ADAMTS17: variants seen among roughly 807,000 people sequenced by gnomAD.
ADAMTS17 encodes the protein A disintegrin and metalloproteinase with thrombospondin motifs 17.
Under a neutral mutation model 141.5 loss-of-function variants are expected in ADAMTS17, and 113 were observed. That is an observed-to-expected ratio of 0.80 (90% CI 0.69 to 0.93). The LOEUF (loss-of-function observed/expected upper bound fraction) is 0.93. Ranked by LOEUF, ADAMTS17 falls within the 40% of genes least tolerant of loss-of-function variation. The probability of loss-of-function intolerance (pLI) is 0.00; values close to 1 mark genes in which losing one functional copy is unlikely to be tolerated. For missense variants in ADAMTS17, 1,659 were observed against 1,517.9 expected (o/e 1.09, Z -1.54); for synonymous variants, 768 against 630.6 (o/e 1.22, Z -3.27).
chr15:100,163,125 A>G (rs2039806432), intron 8 of ADAMTS17, among the ~76,000 whole-genome samples: 1 of 151,706 alleles, frequency 6.6e-6, no homozygotes, highest in Non-Finnish European at 1.5e-5. Flanking sequence ...GGACAGGTAT[A>G]TACCTACACT....
At position 100,282,658 on chromosome 15, in the gene ADAMTS17, A is replaced by G. The variant is rs116547047; in HGVS notation, c.617-1257T>C. Among the ~76,000 whole-genome samples, 640 of 152,344 alleles carry G rather than the reference A, an allele frequency of 4.2e-3. 3 individuals carry two copies. The highest frequency in any genetic ancestry group is 0.015 in the African/African-American group (605 of 41,576). On this transcript the variant is annotated intron_variant, in intron 3 of 21. Coordinates refer to ENST00000268070, the MANE Select transcript of ADAMTS17 (RefSeq NM_139057.4). Reference sequence around the variant, plus strand: ...GAAACTACGGAAAGTGAAACCACAGATAAGAGGTAACCACTGTATTATGAA... The same window carrying G: ...GAAACTACGGAAAGTGAAACCACAGGTAAGAGGTAACCACTGTATTATGAA...
intron 10 of ADAMTS17, among the ~76,000 whole-genome samples, chr15:100,149,210 T>A (rs2039050385): frequency 6.6e-6 from 1 of 152,256 alleles, no homozygotes; most frequent in South Asian, 2.1e-4. Flanking sequence ...TGTCTTCACC[T>A]GGATTTGACT....
At position 100,155,334 on chromosome 15, in the gene ADAMTS17, A is replaced by AG. The variant is rs759871445; in HGVS notation, c.1182-15dup. ...TTCATGCCCAAGCTGTCCAAGAAGG[A>AG]GGAGAGAGGGATGCTTATGCTACAA... On this transcript the variant is annotated splice_polypyrimidine_tract_variant and intron_variant, in intron 8 of 21. Coordinates refer to ENST00000268070, the MANE Select transcript of ADAMTS17 (RefSeq NM_139057.4). 2 of 1,612,028 alleles carry AG rather than the reference A, an allele frequency of 1.2e-6. No individual in the cohort carries two copies. The highest frequency in any genetic ancestry group is 2.2e-5 in the South Asian group (2 of 90,652).
At chr15:100,093,724 C>G (rs1440796424) in intron 15 of ADAMTS17, among the ~76,000 whole-genome samples, 1 of 152,096 alleles carries the variant, frequency 6.6e-6, no homozygotes, top group Non-Finnish European at 1.5e-5. Flanking sequence ...TCTCACAACA[C>G]GCCTGCTGGG....
rs904612620 is a variant in ADAMTS17 at position 100,277,232 on chromosome 15, C to A, written c.789+3997G>T. Among the ~76,000 whole-genome samples the A allele has an allele frequency of 7.9e-5, 12 of 152,178 alleles. 1 individual carries two copies. In the Middle Eastern group the frequency reaches 0.01, roughly 129 times the overall value. ...GTTAGCCCCGGGTCTGCCCTCAGCCCCGGGCTCTTGAGCCACCAGTGTCTT... is the reference window on the plus strand; with the variant it reads ...GTTAGCCCCGGGTCTGCCCTCAGCCACGGGCTCTTGAGCCACCAGTGTCTT... On this transcript the variant is annotated intron_variant, in intron 4 of 21. Coordinates refer to ENST00000268070, the MANE Select transcript of ADAMTS17 (RefSeq NM_139057.4).
chr15:100,289,572 T>A (rs905701736), intron 3 of ADAMTS17, among the ~76,000 whole-genome samples: 1 of 144,930 alleles, frequency 6.9e-6, no homozygotes, highest in East Asian at 2.1e-4. Context: ...ACACACACAC[T>A]CTTAAGGCCA....
At chr15:100,162,377 G>GTT (rs998228143) in intron 8 of ADAMTS17, among the ~76,000 whole-genome samples, 3 of 145,334 alleles carry the variant, frequency 2.1e-5, no homozygotes, top group African/African-American at 7.6e-5. Flanking sequence ...TTATATATAT[G>GTT]TTATATATAT....
At chr15:100,086,188 G>A (rs1410146572) in intron 15 of ADAMTS17, among the ~76,000 whole-genome samples, 1 of 152,038 alleles carries the variant, frequency 6.6e-6, no homozygotes. Context: ...AAAGGCAGAG[G>A]TTGCAATCCT....
intron 8 of ADAMTS17, among the ~76,000 whole-genome samples, chr15:100,185,684 G>T (rs1415059347): frequency 6.6e-6 from 1 of 152,164 alleles, no homozygotes; most frequent in Non-Finnish European, 1.5e-5. Flanking sequence ...TGCTGTCGGG[G>T]GCTGCGCAGA....
At chr15:100,182,874 G>T (rs78140818) in intron 8 of ADAMTS17, among the ~76,000 whole-genome samples, 2 of 152,194 alleles carry the variant, frequency 1.3e-5, no homozygotes, top group African/African-American at 2.4e-5. Flanking sequence ...GATTCACTCA[G>T]CTTCTTGAAT....
In ADAMTS17 at chr15:100,303,908, G is replaced by C. The variant is rs2045131198; in HGVS notation, c.617-22507C>G. The stretch of plus-strand genomic sequence containing the variant: ...CGGCTAATTTTTTGTATTTTTAGTA[G>C]AGACGGCGTTTCGCCACGTTGGGCA... On this transcript the variant is annotated intron_variant, in intron 3 of 21. Coordinates refer to ENST00000268070, the MANE Select transcript of ADAMTS17 (RefSeq NM_139057.4). 2.0e-5 allele frequency among the ~76,000 whole-genome samples: 3 copies of C among 152,230 alleles called. No homozygotes were observed. In the South Asian group the frequency reaches 6.2e-4, roughly 32 times the overall value.
At chr15:100,293,429 T>C (rs922059673) in intron 3 of ADAMTS17, among the ~76,000 whole-genome samples, 1 of 152,196 alleles carries the variant, frequency 6.6e-6, no homozygotes, top group Non-Finnish European at 1.5e-5. Context: ...ACATAGAACG[T>C]GTGGATGGAG....
intron 15 of ADAMTS17, among the ~76,000 whole-genome samples, chr15:100,063,366 G>C (rs960312623): frequency 2.0e-5 from 3 of 152,214 alleles, no homozygotes; most frequent in African/African-American, 4.8e-5. Context: ...CTCTCCTGGG[G>C]TTACTTTGGG....
At chr15:100,103,031 A>T (rs1234784114) in intron 14 of ADAMTS17, among the ~76,000 whole-genome samples, 1 of 152,150 alleles carries the variant, frequency 6.6e-6, no homozygotes. Flanking sequence ...TCTGTCATCC[A>T]GAAAGAGGTG....
chr15:99,974,352 G>T lies in ADAMTS17; in HGVS notation c.*50C>A, dbSNP rs1250579311. ...ACAAGGCTGGTAGGCTTGCGGGTGG[G>T]TGGGTTTCAGACCTGAGTCTGAGCT... On this transcript the variant is annotated 3_prime_UTR_variant, in exon 22 of 22. Coordinates refer to ENST00000268070, the MANE Select transcript of ADAMTS17 (RefSeq NM_139057.4). 3 of 1,612,328 alleles carry T rather than the reference G, an allele frequency of 1.9e-6. No individual in the cohort carries two copies. Among genetic ancestry groups the T allele is most frequent in the East Asian group, 2.2e-5 (1 of 44,882 alleles).
chr15:100,039,391 C>A (rs1055233255), intron 18 of ADAMTS17, among the ~76,000 whole-genome samples: 10 of 152,132 alleles, frequency 6.6e-5, no homozygotes, highest in African/African-American at 1.7e-4. Context: ...CCATAAATTT[C>A]CCCTTAAGGC....
chr15:100,231,096 C>T (rs1013643250), intron 7 of ADAMTS17, among the ~76,000 whole-genome samples: 3 of 152,208 alleles, frequency 2.0e-5, no homozygotes, highest in Admixed American at 1.3e-4. Flanking sequence ...GGAAGATAAT[C>T]CAAAGCAGTC....
intron 15 of ADAMTS17, among the ~76,000 whole-genome samples, chr15:100,060,747 C>A (rs544506342): frequency 1.1e-4 from 17 of 152,336 alleles, no homozygotes; most frequent in African/African-American, 3.8e-4. Context: ...ACTGCCCAGG[C>A]ATTTCCTGTT....
At chr15:99,994,866 T>A (rs1375814451) in intron 19 of ADAMTS17, among the ~76,000 whole-genome samples, 1 of 152,258 alleles carries the variant, frequency 6.6e-6, no homozygotes, top group Admixed American at 6.5e-5. Context: ...GCCTCGCAGC[T>A]CTTTCTTACG....
Sources: allele counts gnomAD v4.1 joint callset (sites outside exome capture counted in the v4.1 genomes callset), GRCh38; gene constraint gnomAD v4.1.1; transcripts MANE v1.5; gene names NCBI Gene and HGNC (gene_info 2026-07-23, HGNC 2026-07-21).